Variants in CACNA1C observed in about 807,000 individuals in gnomAD.
CACNA1C encodes the protein calcium voltage-gated channel subunit alpha1 C, also known as voltage-dependent L-type calcium channel subunit alpha-1C.
A neutral mutation model predicts 229.0 loss-of-function variants in CACNA1C; 30 were observed. That is an observed-to-expected ratio of 0.13 (90% CI 0.10 to 0.18). The LOEUF is 0.18. Ranked by LOEUF, CACNA1C falls within the 10% of genes least tolerant of loss-of-function variation. The probability of loss-of-function intolerance (pLI) is 1.00; values close to 1 mark genes in which losing one functional copy is unlikely to be tolerated. For missense variants in CACNA1C, 1,658 were observed against 2,845.0 expected, an observed-to-expected ratio of 0.58 and a Z score of 9.49; for synonymous variants, 1,114 against 1,132.5, an observed-to-expected ratio of 0.98 and a Z score of 0.33.
intron 5 of CACNA1C, among the ~76,000 whole-genome samples, chr12:2,469,825 C>T (rs564782952): frequency 9.2e-5 from 14 of 152,190 alleles, no homozygotes; most frequent in Non-Finnish European, 1.8e-4. Flanking sequence ...GAAATAATGC[C>T]TTGATCATAT....
chr12:2,610,571 C>T lies in CACNA1C; in HGVS notation c.3589C>T (p.Arg1197Trp), dbSNP rs888326149. 1.2e-6 allele frequency: 2 copies of T among 1,613,968 alleles called. No individual in the cohort carries two copies. The highest frequency in any genetic ancestry group is 8.5e-7 in the Non-Finnish European group (1 of 1,179,868). Residue 1197 changes from arginine to tryptophan, a missense_variant, in exon 28 of 47, where the codon CGG becomes TGG. Physicochemically the swap from Arg to Trp is moderately radical, Grantham distance 101. This residue lies in a region of CACNA1C where 67 missense variants were observed against 106.4 expected (regional missense o/e 0.63). Coordinates refer to ENST00000399655, the MANE Select transcript of CACNA1C (RefSeq NM_000719.7). ...GTGCGTGGAATACGCCCTCAAGGCCCGGCCCCTGCGGAGGTACATCCCCAA... is the reference window on the plus strand; with the variant it reads ...GTGCGTGGAATACGCCCTCAAGGCCTGGCCCCTGCGGAGGTACATCCCCAA... ...RQCVEYALKARPLRRYIPKNQ... is the reference protein window; with the variant it reads ...RQCVEYALKAWPLRRYIPKNQ...
chr12:2,395,661 A>G (rs891584947), intron 3 of CACNA1C, among the ~76,000 whole-genome samples: 1 of 152,160 alleles, frequency 6.6e-6, no homozygotes, highest in African/African-American at 2.4e-5. Context: ...TCCAGGAGAA[A>G]CCAGATTTTC....
At chr12:2,213,641 C>A (rs531279629) in intron 3 of CACNA1C, among the ~76,000 whole-genome samples, 51 of 152,368 alleles carry the variant, frequency 3.3e-4, no homozygotes, top group Middle Eastern at 6.8e-3. Flanking sequence ...GGTGCTCTGA[C>A]AGACACCGTG....
chr12:1,998,365 C>T (rs138320665), intron 1 of CACNA1C, among the ~76,000 whole-genome samples: 2 of 152,172 alleles, frequency 1.3e-5, no homozygotes, highest in Non-Finnish European at 2.9e-5. Context: ...TCACTGGTGT[C>T]TGCATTTCAC....
intron 3 of CACNA1C, among the ~76,000 whole-genome samples, chr12:2,363,469 G>C (rs897314722): frequency 6.6e-6 from 1 of 152,170 alleles, no homozygotes; most frequent in African/African-American, 2.4e-5. Flanking sequence ...TTCAGCTGTC[G>C]GAGGAGAGGT....
rs985151069 is a variant in CACNA1C, at chr12:2,581,862, T to C, written c.2103+65T>C. On this transcript the variant is annotated intron_variant, in intron 14 of 46. Transcript: ENST00000399655. ...TTGAGTGGCGGGGTGGTGGGAGGAG[T>C]GTGGGAAGCTGCACCCTTTTACCGG... 7.1e-6 allele frequency: 7 copies of C among 987,558 alleles called. No homozygotes were observed. In the African/African-American group the frequency reaches 9.8e-5, roughly 14 times the overall value. 61.2% of individuals were successfully genotyped at this position (987,558 alleles called of 1,614,324 possible).
intron 43 of CACNA1C, among the ~76,000 whole-genome samples, chr12:2,683,777 G>A (rs565981404): frequency 6.6e-6 from 1 of 152,338 alleles, no homozygotes; most frequent in East Asian, 1.9e-4. Flanking sequence ...ATGCTGGGGG[G>A]CTGTGCCACC....
rs776711472 is a variant in CACNA1C, at chr12:2,695,918, C to T, written c.*4719C>T. On this transcript the variant is annotated 3_prime_UTR_variant, in exon 47 of 47. Transcript: ENST00000399655. ...CCCCCCTCACTACACAGACACACAC[C>T]GTTAAGGCACAAGGGCTGGGGTTGA... is the stretch of plus-strand genomic sequence containing the variant. 6.6e-6 allele frequency: 1 copy of T among 152,238 alleles called. No homozygotes were observed. The highest frequency in any genetic ancestry group is 6.5e-5 in the Admixed American group (1 of 15,278). The allele number at this position is 152,238 out of a possible 1,614,324, so 9.4% of individuals were successfully genotyped here.
chr12:2,220,868 G>A (rs1291801955), intron 3 of CACNA1C: 1 of 152,038 alleles, frequency 6.6e-6, no homozygotes, highest in East Asian at 1.9e-4. Context: ...TGCATATGAG[G>A]GCAAGAAGAG....
intron 3 of CACNA1C, among the ~76,000 whole-genome samples, chr12:2,379,519 G>C (rs138302802): frequency 6.6e-6 from 1 of 152,110 alleles, no homozygotes; most frequent in South Asian, 2.1e-4. Context: ...TGACGCTCCC[G>C]ATAGAACAGC....
intron 3 of CACNA1C, among the ~76,000 whole-genome samples, chr12:2,394,269 G>A (rs563098099): frequency 3.3e-5 from 5 of 152,322 alleles, no homozygotes; most frequent in East Asian, 3.9e-4. Flanking sequence ...TGGTATGGAC[G>A]CAGGAGCTGG....
intron 11 of CACNA1C, among the ~76,000 whole-genome samples, chr12:2,563,043 G>C (rs1464977767): frequency 2.0e-5 from 3 of 151,908 alleles, no homozygotes; most frequent in African/African-American, 7.3e-5. Context: ...ACCCTTTCCA[G>C]CTTCTGGTAA....
rs201363709 is a variant in CACNA1C at position 2,310,352 on chromosome 12, A to AAAAT, written c.478-138623_478-138622insAATA. Among the ~76,000 whole-genome samples, 1,063 of 139,804 alleles carry AAAAT rather than the reference A, an allele frequency of 7.6e-3. 9 individuals are homozygous for AAAAT. The highest frequency in any genetic ancestry group is 0.027 in the African/African-American group (1,013 of 37,612). The allele number at this position is 139,804 out of a possible 152,430, so 91.7% of individuals were successfully genotyped here. A position where few individuals can be genotyped will look rare whatever the true frequency, so the allele number is the denominator to read the frequency against. ...CCTCTGCCTCCCAGTTAAAAAAAAA[A>AAAAT]ATATATATATATATATATATGTATG... is the stretch of plus-strand genomic sequence containing the variant. On this transcript the variant is annotated intron_variant, in intron 3 of 46. Transcript: ENST00000399655.
At chr12:2,101,399 C>T (rs545529474) in intron 1 of CACNA1C, among the ~76,000 whole-genome samples, 8 of 152,318 alleles carry the variant, frequency 5.3e-5, no homozygotes, top group South Asian at 2.1e-4. Flanking sequence ...ACGCTTCCCC[C>T]GGGCAAAGTG....
chr12:2,073,809 G>A (rs1266046121), intron 1 of CACNA1C, among the ~76,000 whole-genome samples: 1 of 152,146 alleles, frequency 6.6e-6, no homozygotes, highest in Non-Finnish European at 1.5e-5. Context: ...ATTTTGCCCA[G>A]CCTATGACTT....
chr12:2,417,514 G>A (rs865869779), intron 3 of CACNA1C, among the ~76,000 whole-genome samples: 22 of 152,156 alleles, frequency 1.4e-4, no homozygotes, highest in South Asian at 4.1e-4. Flanking sequence ...GGAGGTACGC[G>A]CCAAGGACCT....
At chr12:2,481,260 A>C (rs1392770181) in intron 5 of CACNA1C, among the ~76,000 whole-genome samples, 1 of 152,198 alleles carries the variant, frequency 6.6e-6, no homozygotes, top group Non-Finnish European at 1.5e-5. Context: ...GGACCAGGTA[A>C]TGGAAGCACC....
chr12:2,240,926 G>A (rs1008522974), intron 3 of CACNA1C, among the ~76,000 whole-genome samples: 5 of 152,148 alleles, frequency 3.3e-5, no homozygotes, highest in Non-Finnish European at 5.9e-5. Context: ...TTCTGCCAGG[G>A]TGGGATCTCG....
chr12:2,249,440 A>G (rs577616764), intron 3 of CACNA1C, among the ~76,000 whole-genome samples: 1 of 152,336 alleles, frequency 6.6e-6, no homozygotes, highest in Admixed American at 6.5e-5. Flanking sequence ...CAAATCCTAA[A>G]ATAAAATCCT....
Sources: gnomAD v4.1 joint callset for allele counts (sites outside exome capture counted in the v4.1 genomes callset) on GRCh38, gnomAD v4.1.1 for gene constraint, gnomAD v4.1.1 regional missense constraint, MANE v1.5 for transcripts, NCBI Gene and HGNC (gene_info 2026-07-23, HGNC 2026-07-21) for gene names.